DOCK9: variants seen among roughly 807,000 people sequenced by gnomAD.
DOCK9 encodes the protein dedicator of cytokinesis protein 9.
A neutral mutation model predicts 263.3 loss-of-function variants in DOCK9; 89 were observed. The ratio of observed to expected loss-of-function variants is 0.34; its 90% CI spans 0.28 to 0.40. The LOEUF (loss-of-function observed/expected upper bound fraction) is 0.40. DOCK9 is among the 10% of genes least tolerant of loss of function. The pLI, the probability that DOCK9 is intolerant of heterozygous loss-of-function variation, is 1.00. For synonymous variants in DOCK9, 976 were observed against 973.1 expected (o/e 1.00, Z -0.06); for missense variants, 2,140 against 2,603.4 (o/e 0.82, Z 3.87).
chr13:98,979,217 T>C (rs1164348245), upstream of DOCK9, among the ~76,000 whole-genome samples: 11 of 128,442 alleles, frequency 8.6e-5, no homozygotes, highest in African/African-American at 3.0e-4. Context: ...GTAGTAGTAG[T>C]AGTAGTAGTA....
chr13:98,850,199 T>C (rs1373502265), intron 35 of DOCK9, 86 bp from the exon 36 acceptor site: 2 of 988,580 alleles, frequency 2.0e-6, no homozygotes, highest in East Asian at 2.9e-5. Flanking sequence ...GAAGGAACCT[T>C]GGAGTGTAGG....
At chr13:98,991,173 GTTGA>G (rs1336045978) in intron 1 of DOCK9, among the ~76,000 whole-genome samples, 3 of 151,970 alleles carry the variant, frequency 2.0e-5, no homozygotes, top group Non-Finnish European at 4.4e-5. Context: ...CTGGGTTCAC[GTTGA>G]TTCTTTGCCT....
At chr13:98,824,649 G>A (rs2092449550) in intron 44 of DOCK9, 145 bp from the exon 45 acceptor site, 2 of 667,138 alleles carry the variant, frequency 3.0e-6, no homozygotes, top group Admixed American at 2.6e-5. Context: ...CATTCACGGG[G>A]GTACCTGGGG....
chr13:98,828,150 G>A (rs1294510866), intron 43 of DOCK9, among the ~76,000 whole-genome samples: 1 of 152,214 alleles, frequency 6.6e-6, no homozygotes, highest in Non-Finnish European at 1.5e-5. Context: ...GGACAGGCAT[G>A]GAACCAGTTC....
At chr13:98,966,225 A>G (rs933535554) in intron 1 of DOCK9, among the ~76,000 whole-genome samples, 5 of 152,200 alleles carry the variant, frequency 3.3e-5, no homozygotes, top group African/African-American at 1.2e-4. Context: ...GTGGAACGGG[A>G]GCAGCTCCCT....
At chr13:98,913,349 C>T (rs1441473099) in intron 9 of DOCK9, among the ~76,000 whole-genome samples, 2 of 152,000 alleles carry the variant, frequency 1.3e-5, no homozygotes, top group Non-Finnish European at 2.9e-5. Context: ...ATATTTCTCT[C>T]ATTTAAGAAA....
At chr13:98,892,863 C>G (rs1258943175) in intron 15 of DOCK9, among the ~76,000 whole-genome samples, 1 of 152,082 alleles carries the variant, frequency 6.6e-6, no homozygotes, top group Non-Finnish European at 1.5e-5. Flanking sequence ...TATTCCCCAC[C>G]ACGGTTTTAG....
At chr13:98,915,566 ACT>A in intron 7 of DOCK9, 63 bp from the exon 8 acceptor site, 2 of 1,462,204 alleles carry the variant, frequency 1.4e-6, no homozygotes, top group Non-Finnish European at 1.8e-6. Flanking sequence ...TAAAATAATT[ACT>A]CTCTCTTGTT....
At chr13:98,815,034 C>T (rs2091719055) in intron 45 of DOCK9, among the ~76,000 whole-genome samples, 1 of 151,512 alleles carries the variant, frequency 6.6e-6, no homozygotes, top group Admixed American at 6.6e-5. Flanking sequence ...CTATGTAATC[C>T]CACAGGGTCT....
At chr13:99,064,615 C>T (rs1156848291) in intron 1 of DOCK9, among the ~76,000 whole-genome samples, 2 of 152,218 alleles carry the variant, frequency 1.3e-5, no homozygotes, top group Non-Finnish European at 2.9e-5. Context: ...TTTATATCCC[C>T]TCTCTAAATA....
At chr13:98,933,992 G>A (rs2054399820) in intron 2 of DOCK9, among the ~76,000 whole-genome samples, 1 of 151,892 alleles carries the variant, frequency 6.6e-6, no homozygotes, top group South Asian at 2.1e-4. Flanking sequence ...TGCCGTTCTG[G>A]GCTCAAGTGA....
intron 1 of DOCK9, among the ~76,000 whole-genome samples, chr13:98,997,153 T>A (rs1881242717): frequency 6.6e-6 from 1 of 152,220 alleles, no homozygotes. Flanking sequence ...ACAGCGCACT[T>A]ACCCTAGAAC....
At chr13:99,019,314 A>G (rs1885789475) in intron 1 of DOCK9, among the ~76,000 whole-genome samples, 1 of 152,220 alleles carries the variant, frequency 6.6e-6, no homozygotes, top group Non-Finnish European at 1.5e-5. Flanking sequence ...TTTCTAATAT[A>G]TATTCTCAAA....
chr13:98,907,516 C>G (rs1271574929), intron 9 of DOCK9, among the ~76,000 whole-genome samples: 1 of 152,122 alleles, frequency 6.6e-6, no homozygotes, highest in Non-Finnish European at 1.5e-5. Flanking sequence ...AACTACTAGC[C>G]AAAATAGACA....
intron 1 of DOCK9, among the ~76,000 whole-genome samples, chr13:99,037,072 C>T (rs1858913257): frequency 6.6e-6 from 1 of 152,064 alleles, no homozygotes; most frequent in South Asian, 2.1e-4. Context: ...AAGACAACAA[C>T]ATGAATGTAC....
chr13:98,844,965 T>A (rs1157888663), intron 38 of DOCK9, among the ~76,000 whole-genome samples: 2 of 152,140 alleles, frequency 1.3e-5, no homozygotes, highest in Non-Finnish European at 2.9e-5. Context: ...GATAAAACAA[T>A]AACTAGCTGT....
At chr13:98,916,562 C>A (rs4142194) in intron 7 of DOCK9, among the ~76,000 whole-genome samples, 85,969 of 152,068 alleles carry the variant, frequency 0.57, 24,609 homozygotes, top group Middle Eastern at 0.61. Context: ...TTCTGCAGCA[C>A]AGTTCTTAGA....
chr13:98,930,320 G>T, intron 2 of DOCK9, 63 bp from the exon 3 acceptor site: 1 of 1,371,532 alleles, frequency 7.3e-7, no homozygotes, highest in Non-Finnish European at 1.0e-6. Context: ...CAGCCTCAGA[G>T]TGCAGCTGTG....
upstream of DOCK9, among the ~76,000 whole-genome samples, chr13:99,086,822 C>T (rs1809570446): frequency 2.7e-5 from 4 of 150,196 alleles, no homozygotes; most frequent in South Asian, 8.3e-4. Flanking sequence ...GCAGGGGCGG[C>T]GTGCCGCGCG....
Sources: allele counts gnomAD v4.1 joint callset (sites outside exome capture counted in the v4.1 genomes callset), GRCh38; gene constraint gnomAD v4.1.1; transcripts MANE v1.5; gene names NCBI Gene and HGNC (gene_info 2026-07-23, HGNC 2026-07-21).